Variants in ZC3H6 observed in about 807,000 individuals in gnomAD.
ZC3H6 encodes the protein zinc finger CCCH-type containing 6, also known as zinc finger CCCH domain-containing protein 6.
Under a neutral mutation model 107.7 loss-of-function variants are expected in ZC3H6, and 40 were observed. The ratio of observed to expected loss-of-function variants is 0.37; its 90% CI spans 0.29 to 0.48. The LOEUF (loss-of-function observed/expected upper bound fraction) is 0.48. Ranked by LOEUF, ZC3H6 falls within the 20% of genes least tolerant of loss-of-function variation. The pLI, the probability that ZC3H6 is intolerant of heterozygous loss-of-function variation, is 0.98. For missense variants in ZC3H6, 1,267 were observed against 1,410.4 expected (o/e 0.90, Z 1.63); for synonymous variants, 493 against 487.9 (o/e 1.01, Z -0.14).
chr2:112,281,968 T>C lies in ZC3H6; in HGVS notation c.32+5942T>C, dbSNP rs1200853963. On this transcript the variant is annotated intron_variant, in intron 1 of 11. Coordinates refer to ENST00000409871, the MANE Select transcript of ZC3H6 (RefSeq NM_198581.3). ...TGCAGGGTTTGCAAACTGGTGGGCT[T>C]CAGGCCTAAAATCTGCCTATACTGT... Among the ~76,000 whole-genome samples, 3 of 152,130 alleles carry C rather than the reference T, an allele frequency of 2.0e-5. No homozygotes were observed. In the East Asian group the frequency reaches 5.8e-4, roughly 29 times the overall value.
At position 112,303,273 on chromosome 2, in the gene ZC3H6, T is replaced by A; in HGVS notation, c.258T>A (p.Asp86Glu). Residue 86 changes from aspartate (D) to glutamate (E), a missense_variant, in exon 3 of 12, where the codon GAT becomes GAA. By Grantham distance (45) the Asp-to-Glu change is conservative. This residue lies in a region of ZC3H6 where 337 missense variants were observed against 361.2 expected (regional missense o/e 0.93). Coordinates refer to ENST00000409871, the MANE Select transcript of ZC3H6 (RefSeq NM_198581.3). ...ATGATAGTTCGGACTACAGCCTTGATTCAGATGTTGAACATACAGAAAGTT... is the reference window on the plus strand; with the variant it reads ...ATGATAGTTCGGACTACAGCCTTGAATCAGATGTTGAACATACAGAAAGTT... ...SSDDSSDYSLDSDVEHTESSH... is the reference protein window; with the variant it reads ...SSDDSSDYSLESDVEHTESSH... 1 of 1,613,142 alleles carries A rather than the reference T, an allele frequency of 6.2e-7. No individual in the cohort carries two copies. Among genetic ancestry groups the A allele is most frequent in the Non-Finnish European group, 8.5e-7 (1 of 1,179,246 alleles).
rs1238699068 is a variant in ZC3H6 at position 112,275,974 on chromosome 2, C to T, written c.-21C>T. On this transcript the variant is annotated 5_prime_UTR_variant, in exon 1 of 12. Transcript: ENST00000409871. The stretch of plus-strand genomic sequence containing the variant: ...GGCCTCGCAGACCTGCCCTCCAGCC[C>T]CGCCCCGTTCTTGACCAAACATGAC... 7.2e-6 allele frequency: 11 copies of T among 1,529,672 alleles called. No homozygotes were observed. In the African/African-American group the frequency reaches 1.6e-4, roughly 22 times the overall value. The allele number at this position is 1,529,672 out of a possible 1,614,324, so 94.8% of individuals were successfully genotyped here.
chr2:112,334,172 A>G lies in ZC3H6; in HGVS notation c.*1684A>G, dbSNP rs1326351016. The G allele has an allele frequency of 2.0e-5, 3 of 152,242 alleles. No homozygotes were observed. The highest frequency in any genetic ancestry group is 4.1e-4 in the South Asian group (2 of 4,822). 9.4% of individuals were successfully genotyped at this position (152,242 alleles called of 1,614,324 possible). ...AAAATGTAATTTAAAGCCACCATAG[A>G]AAGTATTTTCTGATTTACTGTCCAA... is the stretch of plus-strand genomic sequence containing the variant. On this transcript the variant is annotated 3_prime_UTR_variant, in exon 12 of 12. Transcript: ENST00000409871.
chr2:112,322,977 C>A, intron 9 of ZC3H6, 75 bp downstream of exon 9: 1 of 1,419,558 alleles, frequency 7.0e-7, no homozygotes, highest in Non-Finnish European at 9.5e-7. Context: ...AGTCATACTC[C>A]AAGCTAATCA....
chr2:112,324,922 G>C, intron 10 of ZC3H6, 42 bp from the exon 11 acceptor site: 3 of 1,530,442 alleles, frequency 2.0e-6, no homozygotes, highest in Non-Finnish European at 1.8e-6. Context: ...GTGAAGTTTT[G>C]TGCTCACTCA....
chr2:112,287,061 T>A (rs1204448719), intron 1 of ZC3H6, among the ~76,000 whole-genome samples: 1 of 152,142 alleles, frequency 6.6e-6, no homozygotes, highest in Non-Finnish European at 1.5e-5. Context: ...TCATTGTAGA[T>A]TCATCCAGTA....
At chr2:112,286,756 T>C (rs545187412) in intron 1 of ZC3H6, among the ~76,000 whole-genome samples, 3 of 152,160 alleles carry the variant, frequency 2.0e-5, no homozygotes, top group African/African-American at 7.2e-5. Context: ...TTATACTGTT[T>C]AGATATGATG....
chr2:112,321,682 C>T (rs1373825506), intron 7 of ZC3H6, 74 bp from the exon 8 acceptor site: 10 of 699,316 alleles, frequency 1.4e-5, no homozygotes, highest in Non-Finnish European at 2.3e-5. Flanking sequence ...TCTTGTCTAA[C>T]AGTTGTAGGT....
intron 5 of ZC3H6, among the ~76,000 whole-genome samples, chr2:112,313,959 A>G (rs904146257): frequency 2.0e-5 from 3 of 152,222 alleles, no homozygotes; most frequent in Non-Finnish European, 4.4e-5. Context: ...TTTATTGGCC[A>G]TAATACTCTT....
intron 7 of ZC3H6, among the ~76,000 whole-genome samples, chr2:112,319,328 C>T (rs1459481779): frequency 6.6e-6 from 1 of 151,888 alleles, no homozygotes; most frequent in African/African-American, 2.4e-5. Context: ...AGTGAGACAC[C>T]TCCCCCACTC....
intron 7 of ZC3H6, among the ~76,000 whole-genome samples, chr2:112,319,471 C>A (rs1017858723): frequency 6.6e-6 from 1 of 152,102 alleles, no homozygotes; most frequent in Admixed American, 6.5e-5. Flanking sequence ...CATAGTGAAA[C>A]CCCATCTCTA....
At position 112,311,825 on chromosome 2, in the gene ZC3H6, G is replaced by A; in HGVS notation, c.635G>A (p.Ser212Asn). Residue 212 changes from serine (S) to asparagine (N), a missense_variant, in exon 5 of 12, where the codon AGT (serine) becomes AAT (asparagine). Ser to Asn is a conservative substitution (Grantham distance 46). Transcript: ENST00000409871. ...VQQGIEQRVK[S>N]FNVGRGRGLP... ...CTAGGTATTGAACAGAGAGTTAAAA[G>A]TTTTAATGTTGGTCGTGGACGTGGC... The A allele has an allele frequency of 3.1e-6, 5 of 1,612,344 alleles. No homozygotes were observed. The highest frequency in any genetic ancestry group is 4.2e-6 in the Non-Finnish European group (5 of 1,178,978).
At chr2:112,307,711 C>T (rs769671583) in intron 3 of ZC3H6, among the ~76,000 whole-genome samples, 1 of 152,130 alleles carries the variant, frequency 6.6e-6, no homozygotes, top group Non-Finnish European at 1.5e-5. Flanking sequence ...GCAGTCCACA[C>T]TAGAAGTCTT....
chr2:112,298,120 T>A (rs1357015383), intron 1 of ZC3H6, among the ~76,000 whole-genome samples: 1 of 151,876 alleles, frequency 6.6e-6, no homozygotes, highest in African/African-American at 2.4e-5. Flanking sequence ...TCTCAAAAAA[T>A]ATATATATAC....
At position 112,283,503 on chromosome 2, in the gene ZC3H6, C is replaced by G. The variant is rs185748992; in HGVS notation, c.32+7477C>G. On this transcript the variant is annotated intron_variant, in intron 1 of 11. Coordinates refer to ENST00000409871, the MANE Select transcript of ZC3H6 (RefSeq NM_198581.3). ...AAACTACATAAAAATCAATCACAGT[C>G]TATTTATAAAGTTGGTATGAAAACA... Among the ~76,000 whole-genome samples the G allele has an allele frequency of 7.2e-5, 11 of 152,158 alleles. No individual in the cohort carries two copies. The East Asian group carries it at 2.1e-3, about 29-fold the overall frequency.
At chr2:112,280,227 G>T (rs1193165872) in intron 1 of ZC3H6, among the ~76,000 whole-genome samples, 4 of 152,080 alleles carry the variant, frequency 2.6e-5, no homozygotes, top group African/African-American at 7.2e-5. Context: ...AGTATGTTCC[G>T]TGGAGTAAAT....
chr2:112,292,396 G>A (rs1240848466), intron 1 of ZC3H6, among the ~76,000 whole-genome samples: 2 of 152,154 alleles, frequency 1.3e-5, no homozygotes, highest in Non-Finnish European at 2.9e-5. Context: ...AATTTTTTGT[G>A]CCATCAGTGA....
rs926853611 is a variant in ZC3H6 at position 112,324,133 on chromosome 2, T to C, written c.1341-19T>C. On this transcript the variant is annotated intron_variant, in intron 9 of 11. Coordinates refer to ENST00000409871, the MANE Select transcript of ZC3H6 (RefSeq NM_198581.3). The stretch of plus-strand genomic sequence containing the variant: ...TTCTTTTTCTTTGAACTAAGAAATA[T>C]TATTATTTCTGTCTACAGGCCACCA... The C allele has an allele frequency of 3.3e-6, 5 of 1,532,502 alleles. No homozygotes were observed. The highest frequency in any genetic ancestry group is 4.4e-6 in the Non-Finnish European group (5 of 1,138,944). 94.9% of individuals were successfully genotyped at this position (1,532,502 alleles called of 1,614,324 possible). A position where few individuals can be genotyped will look rare whatever the true frequency, so the allele number is the denominator to read the frequency against.
intron 2 of ZC3H6, among the ~76,000 whole-genome samples, chr2:112,302,926 T>C (rs1247470949): frequency 6.6e-6 from 1 of 152,064 alleles, no homozygotes; most frequent in Non-Finnish European, 1.5e-5. Context: ...TTTCTTTAGG[T>C]TTAGCTTAAA....
Sources: allele counts gnomAD v4.1 joint callset (sites outside exome capture counted in the v4.1 genomes callset), GRCh38; gene constraint gnomAD v4.1.1; regional missense constraint gnomAD v4.1.1; transcripts MANE v1.5; gene names NCBI Gene and HGNC (gene_info 2026-07-23, HGNC 2026-07-21).